The following MSANTD2 variants were observed in gnomAD, a reference collection of about 807,000 sequenced individuals.
MSANTD2 encodes Myb/SANT DNA binding domain containing 2, also known as myb/SANT-like DNA-binding domain-containing protein 2.
In MSANTD2, 19 loss-of-function variants were observed where a neutral mutation model predicts 52.6. The ratio of observed to expected loss-of-function variants is 0.36; its 90% CI spans 0.25 to 0.53. The LOEUF (loss-of-function observed/expected upper bound fraction) is 0.53. MSANTD2 is among the 20% of genes least tolerant of loss of function. MSANTD2 has a pLI of 0.91. For missense variants in MSANTD2, 558 were observed against 716.3 expected, an observed-to-expected ratio of 0.78 and a Z score of 2.52; for synonymous variants, 291 against 289.7, an observed-to-expected ratio of 1.00 and a Z score of -0.04.
At chr11:124,781,173 GTC>G (rs765589259) in intron 1 of MSANTD2, among the ~76,000 whole-genome samples, 43 of 140,052 alleles carry the variant, frequency 3.1e-4, no homozygotes, top group East Asian at 1.0e-3. Flanking sequence ...ACATGAGGGA[GTC>G]TCTGTCTCAA....
chr11:124,784,535 G>A (rs567771128), intron 1 of MSANTD2: 45 of 984,378 alleles, frequency 4.6e-5, no homozygotes, highest in East Asian at 1.1e-4. Context: ...TTACAACATC[G>A]TATTGCTTCC....
chr11:124,796,515 T>C (rs1945498805), intron 1 of MSANTD2, among the ~76,000 whole-genome samples: 1 of 152,168 alleles, frequency 6.6e-6, no homozygotes, highest in Non-Finnish European at 1.5e-5. Flanking sequence ...GCTATGATCA[T>C]GGCACACTGC....
At chr11:124,782,803 A>AGGCCTCACTCGCTG (rs1945026709) in intron 1 of MSANTD2, among the ~76,000 whole-genome samples, 1 of 152,218 alleles carries the variant, frequency 6.6e-6, no homozygotes. Flanking sequence ...ATCACTAGCA[A>AGGCCTCACTCGCTG]GAGGATAAAA....
rs143022103 is a variant in MSANTD2 at position 124,785,453 on chromosome 11, A to G, written c.511-10479T>C. Among the ~76,000 whole-genome samples the G allele has an allele frequency of 2.2e-4, 33 of 152,392 alleles. No homozygotes were observed. In the East Asian group the frequency reaches 6.0e-3, roughly 28 times the overall value. On this transcript the variant is annotated intron_variant, in intron 1 of 3. Coordinates refer to ENST00000374979, the MANE Select transcript of MSANTD2 (RefSeq NM_001308027.2). ...GCTGGGCACAGAAAGAAGTTAAAGT[A>G]GAGTTGCAACAGCAGCCTCTGCTAA...
At chr11:124,783,863 C>T in intron 1 of MSANTD2, 1 of 985,372 alleles carries the variant, frequency 1.0e-6, no homozygotes, top group Non-Finnish European at 1.2e-6. Flanking sequence ...CATAAAGCTT[C>T]TGACCCTATG....
Position 124,775,269 on chromosome 11 carries a change from T to C in MSANTD2, c.511-295A>G, listed in dbSNP as rs1001494529. The C allele has an allele frequency of 3.2e-5, 7 of 221,348 alleles. No homozygotes were observed. The East Asian group carries it at 6.4e-4, about 20-fold the overall frequency. 13.7% of individuals were successfully genotyped at this position (221,348 alleles called of 1,614,324 possible). On this transcript the variant is annotated intron_variant, in intron 1 of 3. Coordinates refer to ENST00000374979, the MANE Select transcript of MSANTD2 (RefSeq NM_001308027.2). ...ACATATTTTTATACCCCCACCCCCA[T>C]TTAAAAAGAATAAGGGGGAAAAAAA...
At chr11:124,777,629 C>A (rs907457891) in intron 1 of MSANTD2, among the ~76,000 whole-genome samples, 2 of 152,208 alleles carry the variant, frequency 1.3e-5, no homozygotes, top group Non-Finnish European at 2.9e-5. Context: ...AAGACACTAA[C>A]AGATCTTGCT....
intron 2 of MSANTD2, among the ~76,000 whole-genome samples, chr11:124,773,764 A>T (rs1944631111): frequency 6.6e-6 from 1 of 152,202 alleles, no homozygotes. Context: ...TTTGGTAAAA[A>T]ACAGAGCCCA....
Position 124,800,244 on chromosome 11 carries a change from C to T in MSANTD2, c.137G>A (p.Gly46Asp). 1 of 1,549,428 alleles carries T rather than the reference C, an allele frequency of 6.5e-7. No individual in the cohort carries two copies. Among genetic ancestry groups the T allele is most frequent in the Non-Finnish European group, 8.7e-7 (1 of 1,151,798 alleles). ...ACTGCCCGGCCCGAGCGGGGAGGCA[C>T]CCCGAGGCGTGGAAGGGTCGGACAG... ...PSLSDPSTPRGASPLGPGSAA... is the reference protein window; with the variant it reads ...PSLSDPSTPRDASPLGPGSAA... Residue 46 changes from glycine (G) to aspartate (D), a missense_variant, in exon 1 of 4, where the codon GGT becomes GAT. By Grantham distance (94) the Gly-to-Asp change is moderately conservative. Transcript: ENST00000374979. The surrounding 1 kb of genome is among the most constrained non-coding windows in gnomAD (Gnocchi z 4.3).
chr11:124,791,708 A>G, intron 1 of MSANTD2: 2 of 983,776 alleles, frequency 2.0e-6, no homozygotes, highest in Non-Finnish European at 1.6e-6. Context: ...GGGAAGGGGA[A>G]AGATGAGAGG....
rs1479791691 is a variant in MSANTD2, at chr11:124,774,022, A to G, written c.766+697T>C. Among the ~76,000 whole-genome samples, 12 of 152,196 alleles carry G rather than the reference A, an allele frequency of 7.9e-5. No individual in the cohort carries two copies. The highest frequency in any genetic ancestry group is 7.9e-4 in the Admixed American group (12 of 15,286). ...AAACAGAACAATCCCACAACTACAT[A>G]TATACTCTTAGTTAGGCCCTACAAG... On this transcript the variant is annotated intron_variant, in intron 2 of 3. Transcript: ENST00000374979. The surrounding 1 kb of genome is among the most constrained non-coding windows in gnomAD (Gnocchi z 5.1).
At chr11:124,799,819 C>T in intron 1 of MSANTD2, 52 bp downstream of exon 1, 3 of 1,431,340 alleles carry the variant, frequency 2.1e-6, no homozygotes, top group South Asian at 1.3e-5. Context: ...GGCCCGCTTC[C>T]CCGCCTTCTC....
In MSANTD2 at chr11:124,799,962, G is replaced by A. The variant is rs1282237433; in HGVS notation, c.419C>T (p.Ala140Val). The A allele has an allele frequency of 6.3e-7, 1 of 1,585,046 alleles. No individual in the cohort carries two copies. Among genetic ancestry groups the A allele is most frequent in the Non-Finnish European group, 8.5e-7 (1 of 1,174,610 alleles). The part of the protein sequence containing the change: ...EGAGTVFGSK[A>V]PGPAMYERVS... ...GCGCTCGTACATGGCTGGCCCGGGG[G>A]CCTTGCTGCCGAACACCGTGCCGGC... The change falls in exon 1 of 4, where the codon GCC (alanine) becomes GTC (valine). Residue 140 changes from alanine to valine, a missense_variant. Ala to Val is a moderately conservative substitution (Grantham distance 64). This residue lies in a region of MSANTD2 where 408 missense variants were observed against 573.6 expected (regional missense o/e 0.71). Transcript: ENST00000374979.
intron 1 of MSANTD2, chr11:124,784,484 C>A (rs1591463842): frequency 1.6e-4 from 7 of 42,444 alleles, no homozygotes; most frequent in Non-Finnish European, 1.4e-4. Context: ...AAAATTAAAC[C>A]CCCCCCCCGC....
At chr11:124,777,740 C>G (rs1944797939) in intron 1 of MSANTD2, among the ~76,000 whole-genome samples, 1 of 152,156 alleles carries the variant, frequency 6.6e-6, no homozygotes, top group Admixed American at 6.5e-5. Context: ...TGTTTGGTAA[C>G]TTTTAAATCC....
In MSANTD2 at chr11:124,800,175, C is replaced by T. The variant is rs1228770040; in HGVS notation, c.206G>A (p.Gly69Glu). 6.8e-7 allele frequency: 1 copy of T among 1,471,786 alleles called. No homozygotes were observed. Among genetic ancestry groups the T allele is most frequent in the Non-Finnish European group, 9.0e-7 (1 of 1,116,752 alleles). 91.2% of individuals were successfully genotyped at this position (1,471,786 alleles called of 1,614,324 possible). The change falls in exon 1 of 4, where the codon GGG becomes GAG. Residue 69 changes from glycine to glutamate, a missense_variant. Physicochemically the swap from Gly to Glu is moderately conservative, Grantham distance 98. Coordinates refer to ENST00000374979, the MANE Select transcript of MSANTD2 (RefSeq NM_001308027.2). The surrounding 1 kb of genome is among the most constrained non-coding windows in gnomAD (Gnocchi z 4.3). The part of the protein sequence containing the change: ...GAAASGGLGL[G>E]LGGRSAASSS... ...CGAGGCGGCGCTGCGGCCCCCCAGC[C>T]CCAGCCCGAGACCCCCGGACGCCGC...
intron 1 of MSANTD2, among the ~76,000 whole-genome samples, chr11:124,796,429 T>C (rs538357184): frequency 3.3e-5 from 5 of 152,170 alleles, no homozygotes; most frequent in Non-Finnish European, 7.3e-5. Context: ...TGGGTTTTCA[T>C]AGTTGAATTC....
chr11:124,767,068 T>G lies in MSANTD2; in HGVS notation c.*108A>C. The G allele has an allele frequency of 8.7e-7, 1 of 1,147,708 alleles. No homozygotes were observed. The highest frequency in any genetic ancestry group is 1.2e-6 in the Non-Finnish European group (1 of 808,712). 71.1% of individuals were successfully genotyped at this position (1,147,708 alleles called of 1,614,324 possible). A position where few individuals can be genotyped will look rare whatever the true frequency, so the allele number is the denominator to read the frequency against. ...CGTACTGGCCCAATTGAAGAAAGGG[T>G]TTCCATGAAGAGTCTGACGGCGGCA... On this transcript the variant is annotated 3_prime_UTR_variant, in exon 4 of 4. Coordinates refer to ENST00000374979, the MANE Select transcript of MSANTD2 (RefSeq NM_001308027.2). This position sits in a 1 kb window ranked among gnomAD's most constrained non-coding sequence, Gnocchi z 6.5.
chr11:124,799,832 T>C, intron 1 of MSANTD2, 39 bp downstream of exon 1: 1 of 1,499,212 alleles, frequency 6.7e-7, no homozygotes, highest in Non-Finnish European at 9.0e-7. Context: ...GCCTTCTCTC[T>C]GCCTCTGGTT....
Sources: gnomAD v4.1 joint callset for allele counts (sites outside exome capture counted in the v4.1 genomes callset) on GRCh38, gnomAD v4.1.1 for gene constraint, gnomAD v4.1.1 regional missense constraint, Gnocchi (gnomAD v3.1) non-coding constraint, MANE v1.5 for transcripts, NCBI Gene and HGNC (gene_info 2026-07-23, HGNC 2026-07-21) for gene names.